The following SUPT3H variants were observed in gnomAD, a reference collection of about 807,000 sequenced individuals.
SUPT3H encodes the protein SPT3 homolog, SAGA and STAGA complex component, also known as transcription initiation protein SPT3 homolog.
Under a neutral mutation model 44.3 loss-of-function variants are expected in SUPT3H, and 44 were observed. That is an observed-to-expected ratio of 0.99 (90% CI 0.78 to 1.28). The LOEUF (loss-of-function observed/expected upper bound fraction) is 1.28. SUPT3H is among the 50% of genes most tolerant of loss of function. The pLI is 0.00. For missense variants in SUPT3H, 380 were observed against 387.1 expected (o/e 0.98, Z 0.15); for synonymous variants, 124 against 125.6 (o/e 0.99, Z 0.09).
intron 2 of SUPT3H, among the ~76,000 whole-genome samples, chr6:45,318,345 T>A (rs1389328335): frequency 6.6e-6 from 1 of 152,098 alleles, no homozygotes. Context: ...AGACAGGACA[T>A]TATACATTTG....
At chr6:45,013,672 G>A (rs1187168808) in intron 5 of SUPT3H, among the ~76,000 whole-genome samples, 1 of 152,098 alleles carries the variant, frequency 6.6e-6, no homozygotes, top group Non-Finnish European at 1.5e-5. Context: ...CTGAGGTTAA[G>A]TGAGAAAAGG....
chr6:45,324,495 G>T (rs181979385), intron 2 of SUPT3H, among the ~76,000 whole-genome samples: 49 of 151,672 alleles, frequency 3.2e-4, no homozygotes, highest in African/African-American at 1.1e-3. Flanking sequence ...TAGAACTTAA[G>T]AATCTACTTT....
At chr6:45,137,311 G>A (rs1370163028) in intron 2 of SUPT3H, among the ~76,000 whole-genome samples, 2 of 151,554 alleles carry the variant, frequency 1.3e-5, no homozygotes, top group Non-Finnish European at 2.9e-5. Flanking sequence ...AATCAATCAA[G>A]CAAAAAGAAA....
At chr6:45,098,430 G>A (rs1310962455) in intron 3 of SUPT3H, 1 of 183,538 alleles carries the variant, frequency 5.4e-6, no homozygotes, top group Non-Finnish European at 1.2e-5. Flanking sequence ...TTTGCCTGCT[G>A]GGGAAAAAGC....
At chr6:44,883,446 C>T (rs139925332) in intron 10 of SUPT3H, among the ~76,000 whole-genome samples, 36 of 152,262 alleles carry the variant, frequency 2.4e-4, no homozygotes, top group African/African-American at 8.7e-4. Context: ...AATGGCCATA[C>T]TGCCCCAAAG....
At chr6:44,959,694 G>A (rs1252600385) in intron 7 of SUPT3H, among the ~76,000 whole-genome samples, 2 of 152,140 alleles carry the variant, frequency 1.3e-5, no homozygotes, top group Admixed American at 1.3e-4. Context: ...AGACTGAATT[G>A]TGAATTAGAT....
chr6:44,974,191 G>A (rs1303076689), intron 6 of SUPT3H, among the ~76,000 whole-genome samples: 1 of 151,906 alleles, frequency 6.6e-6, no homozygotes, highest in Non-Finnish European at 1.5e-5. Flanking sequence ...TGGGGTAGGT[G>A]TATGTGAACA....
intron 10 of SUPT3H, among the ~76,000 whole-genome samples, chr6:44,890,122 AG>A (rs1298628167): frequency 2.0e-5 from 3 of 151,390 alleles, no homozygotes; most frequent in Admixed American, 6.6e-5. Context: ...CGTGCTGGAG[AG>A]GATGTGGAGA....
At chr6:45,270,222 C>G (rs112760811) in intron 2 of SUPT3H, among the ~76,000 whole-genome samples, 35 of 152,202 alleles carry the variant, frequency 2.3e-4, no homozygotes, top group African/African-American at 8.2e-4. Context: ...ACTTATTACT[C>G]TATCCCTAAA....
chr6:44,848,058 G>T (rs2153420099), intron 10 of SUPT3H, among the ~76,000 whole-genome samples: 1 of 126,324 alleles, frequency 7.9e-6, no homozygotes, highest in African/African-American at 3.0e-5. Flanking sequence ...CCTCTGTCTT[G>T]TGGTTCAAGT....
intron 2 of SUPT3H, among the ~76,000 whole-genome samples, chr6:45,261,040 A>G (rs1014873742): frequency 6.6e-6 from 1 of 152,130 alleles, no homozygotes; most frequent in African/African-American, 2.4e-5. Flanking sequence ...AAGAATTAGA[A>G]GTATATTTTA....
At chr6:44,879,539 A>G (rs902767117) in intron 10 of SUPT3H, among the ~76,000 whole-genome samples, 2 of 152,200 alleles carry the variant, frequency 1.3e-5, no homozygotes, top group African/African-American at 4.8e-5. Context: ...GGTTCTGAAG[A>G]GAGCAGTGGA....
intron 3 of SUPT3H, among the ~76,000 whole-genome samples, chr6:45,037,433 G>A (rs1554216844): frequency 6.6e-6 from 1 of 151,602 alleles, no homozygotes; most frequent in Non-Finnish European, 1.5e-5. Flanking sequence ...GGGATCACAA[G>A]GTCAGGAGTT....
At chr6:45,068,959 T>G (rs1328888776) in intron 3 of SUPT3H, among the ~76,000 whole-genome samples, 1 of 151,392 alleles carries the variant, frequency 6.6e-6, no homozygotes, top group Non-Finnish European at 1.5e-5. Flanking sequence ...AAATGCTTGC[T>G]TGTGGAGTTT....
intron 2 of SUPT3H, among the ~76,000 whole-genome samples, chr6:45,158,298 ATTTTTTTTT>A (rs56882164): frequency 2.0e-5 from 2 of 99,694 alleles, no homozygotes; most frequent in Admixed American, 2.5e-4. Flanking sequence ...ATATATATAT[ATTTTTTTTT>A]TTTTTTTTTT....
At chr6:45,234,530 C>CAAAAAA (rs10713328) in intron 2 of SUPT3H, among the ~76,000 whole-genome samples, 75 of 126,708 alleles carry the variant, frequency 5.9e-4, no homozygotes, top group Non-Finnish European at 9.0e-4. Flanking sequence ...GACGCTGTCA[C>CAAAAAA]AAAAAAAAAA....
intron 2 of SUPT3H, among the ~76,000 whole-genome samples, chr6:45,198,310 G>GA (rs200795837): frequency 6.6e-6 from 1 of 150,608 alleles, no homozygotes; most frequent in Non-Finnish European, 1.5e-5. Flanking sequence ...AACAGCAGCA[G>GA]AAAAAAAAGG....
chr6:45,003,316 A>T (rs1034629264), intron 6 of SUPT3H, among the ~76,000 whole-genome samples: 2 of 152,212 alleles, frequency 1.3e-5, no homozygotes, highest in Non-Finnish European at 2.9e-5. Flanking sequence ...TTTACAAATA[A>T]AACTGGATGA....
At chr6:44,891,574 G>C (rs564240283) in intron 10 of SUPT3H, among the ~76,000 whole-genome samples, 1 of 152,044 alleles carries the variant, frequency 6.6e-6, no homozygotes, top group East Asian at 1.9e-4. Context: ...AAAGTCGATA[G>C]AGGCTATTAG....
Sources: gnomAD v4.1 joint callset for allele counts (sites outside exome capture counted in the v4.1 genomes callset) on GRCh38, gnomAD v4.1.1 for gene constraint, MANE v1.5 for transcripts, NCBI Gene and HGNC (gene_info 2026-07-23, HGNC 2026-07-21) for gene names.